Variants in FBF1 observed in about 807,000 individuals in gnomAD.
The protein encoded by FBF1 is Fas binding factor 1.
FBF1 carries 119 observed loss-of-function variants against 147.2 expected under a neutral mutation model. That is an observed-to-expected ratio of 0.81 (90% CI 0.70 to 0.94). The LOEUF (loss-of-function observed/expected upper bound fraction) is 0.94. Among genes scored for constraint, FBF1 ranks in the 40% least tolerant of loss-of-function variants. The pLI is 0.00. For missense variants in FBF1, 1,449 were observed against 1,500.8 expected, an observed-to-expected ratio of 0.97 and a Z score of 0.57; for synonymous variants, 601 against 609.0, an observed-to-expected ratio of 0.99 and a Z score of 0.19.
At position 75,914,117 on chromosome 17, in the gene FBF1, A is replaced by G. The variant is rs770835758; in HGVS notation, c.2991+5T>C. ...TGCGCCCACGCCCATGTGCCCGAGC[A>G]GCACCTTGCTCATGCTCTCCACCTC... On this transcript the variant is annotated splice_donor_5th_base_variant and intron_variant, in intron 26 of 29. Coordinates refer to ENST00000636174, the MANE Select transcript of FBF1 (RefSeq NM_001319193.2). 13 of 1,599,248 alleles carry G rather than the reference A, an allele frequency of 8.1e-6. No homozygotes were observed. In the East Asian group the frequency reaches 2.9e-4, roughly 36 times the overall value.
Position 75,918,356 on chromosome 17 carries a change from C to T in FBF1, c.2139-87G>A, listed in dbSNP as rs1044139586. ...CCTTGTGGAAGGGTGTGTTTCCGTG[C>T]AGCCCTTGCTCCCAGGCCTCTCCTC... On this transcript the variant is annotated intron_variant, in intron 20 of 29. Coordinates refer to ENST00000636174, the MANE Select transcript of FBF1 (RefSeq NM_001319193.2). This position sits in a 1 kb window ranked among gnomAD's most constrained non-coding sequence, Gnocchi z 5.8. 8.8e-7 allele frequency: 1 copy of T among 1,137,208 alleles called. No individual in the cohort carries two copies. Among genetic ancestry groups the T allele is most frequent in the African/African-American group, 1.5e-5 (1 of 65,314 alleles). The allele number at this position is 1,137,208 out of a possible 1,614,324, so 70.4% of individuals were successfully genotyped here.
rs964038774 is a variant in FBF1, at chr17:75,928,158, C to T, written c.315G>A (p.Leu105=). 1.9e-6 allele frequency: 3 copies of T among 1,613,778 alleles called. No individual in the cohort carries two copies. In the African/African-American group the frequency reaches 4.0e-5, roughly 22 times the overall value. Residue 105 remains leucine (L), a synonymous_variant, in exon 8 of 30, where the codon CTG becomes CTA. Coordinates refer to ENST00000636174, the MANE Select transcript of FBF1 (RefSeq NM_001319193.2). The surrounding 1 kb of genome is among the most constrained non-coding windows in gnomAD (Gnocchi z 4.2). The part of the protein sequence containing the change: ...LDGMDADILG[L]KKSNSAPSKK... The stretch of plus-strand genomic sequence containing the variant: ...TGCTAGGGGCTGAATTAGATTTCTT[C>T]AGACCTAAGATATCAGCATCCATGC...
chr17:75,937,748 A>G, intron 2 of FBF1, 155 bp from the exon 3 acceptor site: 1 of 811,456 alleles, frequency 1.2e-6, no homozygotes, highest in Non-Finnish European at 2.1e-6. Context: ...GTGTTCCTAT[A>G]GTTTCTGAGA....
chr17:75,927,542 G>T lies in FBF1; in HGVS notation c.398-10C>A. ...GTGGGAATGGCACCCCCTGCAGGAA[G>T]CAGAAGACAAGGTCATGGGCCTGAG... On this transcript the variant is annotated splice_polypyrimidine_tract_variant and intron_variant, in intron 8 of 29. Coordinates refer to ENST00000636174, the MANE Select transcript of FBF1 (RefSeq NM_001319193.2). 1 of 1,593,976 alleles carries T rather than the reference G, an allele frequency of 6.3e-7. No individual in the cohort carries two copies. Among genetic ancestry groups the T allele is most frequent in the South Asian group, 1.1e-5 (1 of 87,548 alleles).
At chr17:75,937,978 G>T in intron 2 of FBF1, 169 bp downstream of exon 2, 1 of 954,538 alleles carries the variant, frequency 1.0e-6, no homozygotes, top group Non-Finnish European at 1.6e-6. Context: ...AAGAAACCTT[G>T]GTCGTCGAAA....
chr17:75,935,813 G>A (rs980460604), intron 3 of FBF1, 140 bp from the exon 4 acceptor site: 3 of 717,362 alleles, frequency 4.2e-6, no homozygotes, highest in Non-Finnish European at 6.5e-6. Flanking sequence ...CATTGGCCAC[G>A]AGATGTTTTA....
At chr17:75,915,212 C>G (rs1168282507) in intron 23 of FBF1, 73 bp from the exon 24 acceptor site, 31 of 1,519,544 alleles carry the variant, frequency 2.0e-5, no homozygotes, top group Non-Finnish European at 2.7e-5. Context: ...CCCTGAGAAG[C>G]TGCATGAACC....
rs1468009321 is a variant in FBF1 at position 75,910,561 on chromosome 17, A to G, written c.*162T>C. On this transcript the variant is annotated 3_prime_UTR_variant, in exon 30 of 30. Coordinates refer to ENST00000636174, the MANE Select transcript of FBF1 (RefSeq NM_001319193.2). This position sits in a 1 kb window ranked among gnomAD's most constrained non-coding sequence, Gnocchi z 4.1. ...GAGGCAGGGGCTGCCCCGGGCTGGC[A>G]CATTTGGAAAGGATGCACTTGCACC... is the stretch of plus-strand genomic sequence containing the variant. 1.6e-6 allele frequency: 1 copy of G among 636,524 alleles called. No homozygotes were observed. Among genetic ancestry groups the G allele is most frequent in the African/African-American group, 1.8e-5 (1 of 54,512 alleles). 39.4% of individuals were successfully genotyped at this position (636,524 alleles called of 1,614,324 possible).
At chr17:75,917,625 G>C in intron 23 of FBF1, 107 bp downstream of exon 23, 1 of 1,023,642 alleles carries the variant, frequency 9.8e-7, no homozygotes, top group Admixed American at 2.4e-5. Flanking sequence ...GTGGGGCCTT[G>C]ACCTCCTGAG....
At chr17:75,937,921 G>A (rs1384272837) in intron 2 of FBF1, 3 of 651,482 alleles carry the variant, frequency 4.6e-6, no homozygotes, top group Admixed American at 2.7e-5. Flanking sequence ...CTCAATACCA[G>A]TGACAGACAC....
chr17:75,934,008 T>C (rs1190459479), intron 4 of FBF1, among the ~76,000 whole-genome samples: 1 of 152,086 alleles, frequency 6.6e-6, no homozygotes, highest in Non-Finnish European at 1.5e-5. Flanking sequence ...CCTCAAAAAG[T>C]TAAACATACA....
At chr17:75,912,339 A>T in intron 28 of FBF1, 32 bp from the exon 29 acceptor site, 1 of 1,509,072 alleles carries the variant, frequency 6.6e-7, no homozygotes, top group South Asian at 1.3e-5. Context: ...TCAGGGACCA[A>T]AGTGTTGGTG....
rs1331851652 is a variant in FBF1 at position 75,928,618 on chromosome 17, G to A, written c.280-425C>T. ...AGGTCAAGAAATCGAGACCATCCTG[G>A]CCAACATGATGAAACCCTGTCTCTA... On this transcript the variant is annotated intron_variant, in intron 7 of 29. Coordinates refer to ENST00000636174, the MANE Select transcript of FBF1 (RefSeq NM_001319193.2). This position sits in a 1 kb window ranked among gnomAD's most constrained non-coding sequence, Gnocchi z 4.2. Among the ~76,000 whole-genome samples the A allele has an allele frequency of 2.0e-5, 3 of 152,014 alleles. No homozygotes were observed. The highest frequency in any genetic ancestry group is 4.4e-5 in the Non-Finnish European group (3 of 68,008).
At chr17:75,924,602 C>T (rs750327787) in intron 13 of FBF1, among the ~76,000 whole-genome samples, 2 of 152,080 alleles carry the variant, frequency 1.3e-5, no homozygotes, top group Non-Finnish European at 2.9e-5. Flanking sequence ...CTCAGCCTCC[C>T]GAGTAGCTGG....
chr17:75,927,573 C>T, intron 8 of FBF1, 41 bp from the exon 9 acceptor site: 1 of 1,545,484 alleles, frequency 6.5e-7, no homozygotes, highest in Admixed American at 1.9e-5. Flanking sequence ...CTGAGTCTCT[C>T]CTGGCCAAAG....
chr17:75,928,842 T>C lies in FBF1; in HGVS notation c.280-649A>G, dbSNP rs746816272. 6.6e-6 allele frequency among the ~76,000 whole-genome samples: 1 copy of C among 151,810 alleles called. No individual in the cohort carries two copies. Among genetic ancestry groups the C allele is most frequent in the Non-Finnish European group, 1.5e-5 (1 of 67,950 alleles). ...AAAATAAATTAAAAATAAAATAAAA[T>C]AAAGACAGAGTCTCACTCTGTCACC... On this transcript the variant is annotated intron_variant, in intron 7 of 29. Coordinates refer to ENST00000636174, the MANE Select transcript of FBF1 (RefSeq NM_001319193.2). This position sits in a 1 kb window ranked among gnomAD's most constrained non-coding sequence, Gnocchi z 4.2.
In FBF1 at chr17:75,909,787, G is replaced by T. The variant is rs1248935750; in HGVS notation, c.*936C>A. The T allele has an allele frequency of 1.6e-6, 1 of 639,902 alleles. No individual in the cohort carries two copies. Among genetic ancestry groups the T allele is most frequent in the South Asian group, 1.7e-5 (1 of 57,570 alleles). 39.6% of individuals were successfully genotyped at this position (639,902 alleles called of 1,614,324 possible). On this transcript the variant is annotated 3_prime_UTR_variant, in exon 30 of 30. Coordinates refer to ENST00000636174, the MANE Select transcript of FBF1 (RefSeq NM_001319193.2). The stretch of plus-strand genomic sequence containing the variant: ...ATAAGAACATCTGCCTGTTCTTTGG[G>T]ACTTGTCCAGCAAATAACAGGAAAC...
In FBF1 at chr17:75,937,560, A is replaced by T; in HGVS notation, c.31+6T>A. On this transcript the variant is annotated splice_donor_region_variant and intron_variant, in intron 3 of 29. Transcript: ENST00000636174. The stretch of plus-strand genomic sequence containing the variant: ...CTTAAGAGTAATGTTCCATCTCTCC[A>T]CTCACCTTTACATCCTTTCTTGGTT... The T allele has an allele frequency of 6.2e-7, 1 of 1,613,900 alleles. No individual in the cohort carries two copies. The highest frequency in any genetic ancestry group is 8.5e-7 in the Non-Finnish European group (1 of 1,179,852).
intron 17 of FBF1, among the ~76,000 whole-genome samples, chr17:75,920,641 C>T (rs867879456): frequency 2.8e-4 from 43 of 152,216 alleles, no homozygotes; most frequent in African/African-American, 1.0e-3. Flanking sequence ...TGTCTCCCTC[C>T]ACCCTCCGGA....
Sources: gnomAD v4.1 joint callset for allele counts (sites outside exome capture counted in the v4.1 genomes callset) on GRCh38, gnomAD v4.1.1 for gene constraint, Gnocchi (gnomAD v3.1) non-coding constraint, MANE v1.5 for transcripts, NCBI Gene and HGNC (gene_info 2026-07-23, HGNC 2026-07-21) for gene names.